Variants in ZBTB7C observed in about 807,000 individuals in gnomAD.
The protein encoded by ZBTB7C is zinc finger and BTB domain containing 7C.
In ZBTB7C, 8 loss-of-function variants were observed where a neutral mutation model predicts 25.7. That is an observed-to-expected ratio of 0.31 (90% CI 0.18 to 0.56). The LOEUF (loss-of-function observed/expected upper bound fraction) is 0.56, where lower values mean the gene tolerates loss of function less well. ZBTB7C is among the 20% of genes least tolerant of loss of function. The pLI is 0.91. For missense variants in ZBTB7C, 824 were observed against 855.2 expected (o/e 0.96, Z 0.46); for synonymous variants, 394 against 369.0 (o/e 1.07, Z -0.78).
intron 3 of ZBTB7C, chr18:48,072,619 G>A (rs1029088536): frequency 1.3e-5 from 2 of 152,248 alleles, no homozygotes; most frequent in Non-Finnish European, 2.9e-5. Context: ...GACTGAAATA[G>A]GGAAGGTAGA....
At chr18:48,357,241 G>T (rs1427627591) in intron 1 of ZBTB7C, among the ~76,000 whole-genome samples, 8 of 152,232 alleles carry the variant, frequency 5.3e-5, no homozygotes, top group African/African-American at 1.9e-4. Flanking sequence ...GGGTGGCCAG[G>T]AGGAGGAAGT....
At chr18:48,276,075 C>T (rs560662843) in intron 2 of ZBTB7C, among the ~76,000 whole-genome samples, 41 of 152,118 alleles carry the variant, frequency 2.7e-4, no homozygotes, top group African/African-American at 9.4e-4. Context: ...CGGCAGCAAC[C>T]GCGATGGGGT....
intron 2 of ZBTB7C, among the ~76,000 whole-genome samples, chr18:48,227,335 C>G (rs756023997): frequency 1.8e-4 from 28 of 152,344 alleles, no homozygotes; most frequent in Non-Finnish European, 3.4e-4. Context: ...CAAAAGCCTC[C>G]TCCCATTGAA....
chr18:48,312,021 G>A (rs912507884), intron 2 of ZBTB7C, among the ~76,000 whole-genome samples: 1 of 152,176 alleles, frequency 6.6e-6, no homozygotes, highest in African/African-American at 2.4e-5. Context: ...ACAGAAGGAG[G>A]GTTTCCTCCT....
chr18:48,290,399 G>T (rs1460969932), intron 2 of ZBTB7C, among the ~76,000 whole-genome samples: 2 of 152,250 alleles, frequency 1.3e-5, no homozygotes, highest in Non-Finnish European at 2.9e-5. Context: ...ACTCTGTGCG[G>T]GGAGAGGGTG....
Position 48,211,591 on chromosome 18 carries a change from T to A in ZBTB7C, c.-78-25596A>T, listed in dbSNP as rs1007874074. On this transcript the variant is annotated intron_variant, in intron 2 of 4. Transcript: ENST00000590800. ...TTAAGCATATGAAAAATGTTCAACA[T>A]CAACATCATATGTCATTAAGGAATT... Among the ~76,000 whole-genome samples the A allele has an allele frequency of 3.5e-4, 53 of 152,278 alleles. 1 individual carries two copies. Among genetic ancestry groups the A allele is most frequent in the African/African-American group, 1.3e-3 (53 of 41,536 alleles).
chr18:48,052,364 G>A (rs753434616), intron 3 of ZBTB7C, among the ~76,000 whole-genome samples: 20 of 152,184 alleles, frequency 1.3e-4, no homozygotes, highest in Non-Finnish European at 1.5e-4. Context: ...TGGATAACTG[G>A]GCTAAGTGGT....
intron 2 of ZBTB7C, among the ~76,000 whole-genome samples, chr18:48,267,751 C>T (rs73955674): frequency 1.1e-3 from 164 of 152,178 alleles, no homozygotes; most frequent in African/African-American, 3.9e-3. Flanking sequence ...TAAAAGAGAC[C>T]CCTGGAGAGC....
intron 2 of ZBTB7C, among the ~76,000 whole-genome samples, chr18:48,307,412 C>A (rs765687249): frequency 9.8e-5 from 15 of 152,358 alleles, no homozygotes; most frequent in Non-Finnish European, 1.6e-4. Context: ...AAAGGATTTG[C>A]CCAGGCCAGG....
At chr18:48,193,705 G>A (rs1225686105) in intron 2 of ZBTB7C, among the ~76,000 whole-genome samples, 9 of 152,238 alleles carry the variant, frequency 5.9e-5, no homozygotes, top group Admixed American at 5.9e-4. Flanking sequence ...AGCTCCTGCA[G>A]GGAAGGGTGG....
intron 2 of ZBTB7C, among the ~76,000 whole-genome samples, chr18:48,188,637 T>C (rs1423044878): frequency 1.3e-5 from 2 of 152,182 alleles, no homozygotes; most frequent in Non-Finnish European, 2.9e-5. Flanking sequence ...GGTCTGAGCA[T>C]TGAGAGACAG....
intron 2 of ZBTB7C, among the ~76,000 whole-genome samples, chr18:48,296,011 C>T (rs1396724569): frequency 1.3e-5 from 2 of 152,354 alleles, no homozygotes; most frequent in East Asian, 1.9e-4. Context: ...CCCTCCCTTC[C>T]ACTGGTACCT....
intron 3 of ZBTB7C, among the ~76,000 whole-genome samples, chr18:48,180,023 C>T (rs1344928370): frequency 2.1e-5 from 3 of 146,092 alleles, no homozygotes; most frequent in Admixed American, 1.4e-4. Context: ...CCCCTTCCTT[C>T]CTTCCTTCCT....
intron 3 of ZBTB7C, among the ~76,000 whole-genome samples, chr18:48,093,301 C>A (rs1452138601): frequency 6.6e-6 from 1 of 152,206 alleles, no homozygotes; most frequent in Non-Finnish European, 1.5e-5. Context: ...CTCTAGCCCT[C>A]CCCCTGGCCA....
At chr18:48,410,459 T>A (rs1264346814), upstream of ZBTB7C, among the ~76,000 whole-genome samples, 1 of 151,530 alleles carries the variant, frequency 6.6e-6, no homozygotes, top group African/African-American at 2.4e-5. Context: ...CCCCGCCCCG[T>A]CCCGCCGGGC....
intron 2 of ZBTB7C, chr18:48,252,885 A>G (rs912711926): frequency 2.0e-5 from 3 of 152,228 alleles, no homozygotes; most frequent in Admixed American, 2.0e-4. Context: ...TTCTATGATG[A>G]ATGTAGAGAT....
In ZBTB7C at chr18:48,123,869, AT is replaced by A. The variant is rs112329001; in HGVS notation, c.-17+62064del. ...TGTAAACATAAACATGTATATTACG[AT>A]TTTTTTTTGTTAATGTGAAGGGTTG... On this transcript the variant is annotated intron_variant, in intron 3 of 4. Coordinates refer to ENST00000590800, the MANE Select transcript of ZBTB7C (RefSeq NM_001318841.2). Among the ~76,000 whole-genome samples the A allele has an allele frequency of 9.9e-5, 15 of 151,762 alleles. No homozygotes were observed. In the East Asian group the frequency reaches 1.5e-3, roughly 16 times the overall value.
intron 2 of ZBTB7C, among the ~76,000 whole-genome samples, chr18:48,246,034 G>A (rs2043682068): frequency 6.6e-6 from 1 of 152,150 alleles, no homozygotes; most frequent in African/African-American, 2.4e-5. Context: ...ATAATATACT[G>A]TAAATACTAA....
intron 3 of ZBTB7C, among the ~76,000 whole-genome samples, chr18:48,180,976 G>A (rs1178759300): frequency 6.6e-6 from 1 of 151,924 alleles, no homozygotes; most frequent in African/African-American, 2.4e-5. Flanking sequence ...GTGTGACCTT[G>A]GACAAGTTAC....
Sources: allele counts gnomAD v4.1 joint callset (sites outside exome capture counted in the v4.1 genomes callset), GRCh38; gene constraint gnomAD v4.1.1; transcripts MANE v1.5; gene names NCBI Gene and HGNC (gene_info 2026-07-23, HGNC 2026-07-21).